Variants in TTLL11 observed in about 807,000 individuals in gnomAD.
The protein encoded by TTLL11 is tubulin polyglutamylase TTLL11.
Under a neutral mutation model 51.7 loss-of-function variants are expected in TTLL11, and 42 were observed. The ratio of observed to expected loss-of-function variants is 0.81; its 90% CI spans 0.64 to 1.05. The LOEUF is 1.05. Ranked by LOEUF, TTLL11 falls within the 50% of genes least tolerant of loss-of-function variation. The pLI, the probability that TTLL11 is intolerant of heterozygous loss-of-function variation, is 0.00. For missense variants in TTLL11, 799 were observed against 940.4 expected, an observed-to-expected ratio of 0.85 and a Z score of 1.97; for synonymous variants, 381 against 383.5, an observed-to-expected ratio of 0.99 and a Z score of 0.08.
chr9:122,069,666 G>A (rs1422132269), intron 1 of TTLL11, among the ~76,000 whole-genome samples: 1 of 152,106 alleles, frequency 6.6e-6, no homozygotes. Context: ...GGGCGACAGA[G>A]TGAGACTCCG....
At chr9:121,843,467 C>T (rs1214648070) in intron 8 of TTLL11, among the ~76,000 whole-genome samples, 1 of 151,972 alleles carries the variant, frequency 6.6e-6, no homozygotes, top group Non-Finnish European at 1.5e-5. Flanking sequence ...TTAAAAACGC[C>T]TGGGGGCCAG....
chr9:122,071,599 C>T lies in TTLL11; in HGVS notation c.462+21088G>A, dbSNP rs115240014. Among the ~76,000 whole-genome samples, 811 of 152,234 alleles carry T rather than the reference C, an allele frequency of 5.3e-3. 7 individuals carry two copies. The highest frequency in any genetic ancestry group is 0.019 in the African/African-American group (783 of 41,538). ...CTCGCTCTCCCCAGCACTGCTGCCG[C>T]CCCCCAGCCCAGCCCCTAGGTGCAG... On this transcript the variant is annotated intron_variant, in intron 1 of 8. Transcript: ENST00000321582.
At chr9:122,053,517 G>A (rs1161522114) in intron 1 of TTLL11, among the ~76,000 whole-genome samples, 1 of 152,160 alleles carries the variant, frequency 6.6e-6, no homozygotes, top group Non-Finnish European at 1.5e-5. Flanking sequence ...TGACTCTGCA[G>A]GTGGAGGAAG....
chr9:121,936,426 A>G (rs1355414155), intron 6 of TTLL11, among the ~76,000 whole-genome samples: 1 of 152,126 alleles, frequency 6.6e-6, no homozygotes, highest in African/African-American at 2.4e-5. Context: ...CACTGTATCA[A>G]GCCAGTTAAG....
At chr9:121,887,733 T>C (rs1313559686) in intron 6 of TTLL11, among the ~76,000 whole-genome samples, 2 of 152,238 alleles carry the variant, frequency 1.3e-5, no homozygotes, top group Admixed American at 6.5e-5. Context: ...ATGAAGCAAA[T>C]GCTTCAAGAT....
At chr9:121,856,008 G>C (rs1222752550) in intron 8 of TTLL11, among the ~76,000 whole-genome samples, 1 of 152,158 alleles carries the variant, frequency 6.6e-6, no homozygotes, top group Non-Finnish European at 1.5e-5. Context: ...AGAGCACTGG[G>C]TATAATGGAA....
intron 8 of TTLL11, among the ~76,000 whole-genome samples, chr9:121,840,323 C>A (rs532948954): frequency 6.6e-6 from 1 of 152,134 alleles, no homozygotes; most frequent in African/African-American, 2.4e-5. Flanking sequence ...CAGTGCGCTG[C>A]GATGTGACAG....
intron 6 of TTLL11, among the ~76,000 whole-genome samples, chr9:121,939,616 G>A (rs1173074128): frequency 6.6e-6 from 1 of 152,012 alleles, no homozygotes; most frequent in Non-Finnish European, 1.5e-5. Context: ...TGGCAAAACT[G>A]TTCATATCTG....
At position 121,939,459 on chromosome 9, in the gene TTLL11, TTAAA is replaced by T. The variant is rs1841356847; in HGVS notation, c.1481+34546_1481+34549del. Among the ~76,000 whole-genome samples the T allele has an allele frequency of 2.6e-5, 4 of 152,206 alleles. No homozygotes were observed. In the South Asian group the frequency reaches 8.3e-4, roughly 32 times the overall value. On this transcript the variant is annotated intron_variant, in intron 6 of 8. Transcript: ENST00000321582. The stretch of plus-strand genomic sequence containing the variant: ...TATCATTTATACAAAAAGGGACACA[TTAAA>T]TAGTCACTTTGTTGCCAAACATACC...
chr9:121,822,996 C>T lies in TTLL11; in HGVS notation c.1841-117G>A. ...AGCTAGCCCCGCTCCCCACCACCGT[C>T]TCCATTCCAGAAACTCCTAACAGGG... On this transcript the variant is annotated intron_variant, in intron 8 of 8. Coordinates refer to ENST00000321582, the MANE Select transcript of TTLL11 (RefSeq NM_001139442.2). The surrounding 1 kb of genome is among the most constrained non-coding windows in gnomAD (Gnocchi z 5.8). The T allele has an allele frequency of 8.2e-7, 1 of 1,218,880 alleles. No homozygotes were observed. 75.5% of individuals were successfully genotyped at this position (1,218,880 alleles called of 1,614,324 possible).
chr9:122,088,754 C>T (rs1019992379), intron 1 of TTLL11, among the ~76,000 whole-genome samples: 2 of 151,942 alleles, frequency 1.3e-5, no homozygotes, highest in African/African-American at 2.4e-5. Context: ...GCCTGTAATC[C>T]CAGCATTTTG....
At chr9:122,061,462 T>C (rs1335733333) in intron 1 of TTLL11, among the ~76,000 whole-genome samples, 1 of 152,122 alleles carries the variant, frequency 6.6e-6, no homozygotes, top group East Asian at 1.9e-4. Context: ...ATTGAGCACA[T>C]GGACAAGAAT....
intron 8 of TTLL11, among the ~76,000 whole-genome samples, chr9:121,831,382 C>T (rs1202733824): frequency 6.6e-6 from 1 of 152,120 alleles, no homozygotes; most frequent in Non-Finnish European, 1.5e-5. Flanking sequence ...AGGGCTCTAT[C>T]GGAGTCAGTG....
chr9:121,957,410 T>C (rs1043366702), intron 6 of TTLL11, among the ~76,000 whole-genome samples: 4 of 152,344 alleles, frequency 2.6e-5, no homozygotes, highest in Admixed American at 2.6e-4. Context: ...TCTGCTTCCC[T>C]GGCTTTGTAC....
At chr9:122,011,610 T>C (rs1398777564) in intron 3 of TTLL11, among the ~76,000 whole-genome samples, 1 of 152,074 alleles carries the variant, frequency 6.6e-6, no homozygotes, top group Non-Finnish European at 1.5e-5. Flanking sequence ...CTCTTATTTT[T>C]CAGAAATACA....
At chr9:121,858,442 G>A (rs4836865) in intron 8 of TTLL11, among the ~76,000 whole-genome samples, 110,326 of 152,116 alleles carry the variant, frequency 0.73, 40,236 homozygotes, top group Middle Eastern at 0.81. Context: ...ATTCTAGCCG[G>A]TGCTGCACAT....
intron 3 of TTLL11, among the ~76,000 whole-genome samples, chr9:122,018,704 T>C (rs1309716867): frequency 5.3e-5 from 8 of 152,208 alleles, no homozygotes; most frequent in Non-Finnish European, 1.0e-4. Context: ...CAGAGTCTTA[T>C]TCTGTATGCG....
At chr9:122,089,893 A>G (rs2131944728) in intron 1 of TTLL11, among the ~76,000 whole-genome samples, 1 of 152,268 alleles carries the variant, frequency 6.6e-6, no homozygotes. Context: ...GACTCAAGTG[A>G]TCCTCCCACC....
rs1007953467 is a variant in TTLL11 at position 121,821,724 on chromosome 9, A to G, written c.*863T>C. Reference sequence around the variant, plus strand: ...ACTCCTCTTGCTCTGGTTCTTATCCATGTCTGATTTCCTTCCCTCACCCAG... The same window carrying G: ...ACTCCTCTTGCTCTGGTTCTTATCCGTGTCTGATTTCCTTCCCTCACCCAG... On this transcript the variant is annotated 3_prime_UTR_variant, in exon 9 of 9. Coordinates refer to ENST00000321582, the MANE Select transcript of TTLL11 (RefSeq NM_001139442.2). This position sits in a 1 kb window ranked among gnomAD's most constrained non-coding sequence, Gnocchi z 5.0. Among the ~76,000 whole-genome samples, 40 of 152,084 alleles carry G rather than the reference A, an allele frequency of 2.6e-4. 1 individual carries two copies. Among genetic ancestry groups the G allele is most frequent in the Admixed American group, 2.6e-3 (39 of 15,272 alleles).
Sources: allele counts gnomAD v4.1 joint callset (sites outside exome capture counted in the v4.1 genomes callset), GRCh38; gene constraint gnomAD v4.1.1; non-coding constraint Gnocchi (gnomAD v3.1); transcripts MANE v1.5; gene names NCBI Gene and HGNC (gene_info 2026-07-23, HGNC 2026-07-21).